SLC8A2: variants seen among roughly 807,000 people sequenced by gnomAD.
SLC8A2 encodes sodium/calcium exchanger 2.
SLC8A2 carries 14 observed loss-of-function variants against 70.2 expected under a neutral mutation model. That is an observed-to-expected ratio of 0.20 (90% CI 0.13 to 0.31). SLC8A2 has a LOEUF of 0.31. Ranked by LOEUF, SLC8A2 falls within the 10% of genes least tolerant of loss-of-function variation. The pLI, the probability that SLC8A2 is intolerant of heterozygous loss-of-function variation, is 1.00. For missense variants in SLC8A2, 779 were observed against 1,320.1 expected (o/e 0.59, Z 6.35); for synonymous variants, 575 against 594.3 (o/e 0.97, Z 0.47).
chr19:47,441,562 A>G, intron 4 of SLC8A2, 122 bp from the exon 5 acceptor site: 1 of 624,830 alleles, frequency 1.6e-6, no homozygotes, highest in Non-Finnish European at 2.9e-6. Context: ...AGACTCCACA[A>G]TCTCATTTAC....
Position 47,466,247 on chromosome 19 carries a change from C to A in SLC8A2, c.157G>T (p.Val53Leu). 1 of 1,599,314 alleles carries A rather than the reference C, an allele frequency of 6.3e-7. No individual in the cohort carries two copies. The highest frequency in any genetic ancestry group is 8.5e-7 in the Non-Finnish European group (1 of 1,170,704). Reference protein sequence around the residue: ...CQGSYRCQPGVLLPVWEPDDP... With the variant: ...CQGSYRCQPGLLLPVWEPDDP... The stretch of plus-strand genomic sequence containing the variant: ...TCGGGCTCCCACACGGGCAGCAGCA[C>A]CCCCGGCTGGCAGCGGTAGGACCCC... The change falls in exon 2 of 10, where the codon GTG becomes TTG. Residue 53 changes from valine to leucine, a missense_variant. Physicochemically the swap from Val to Leu is conservative, Grantham distance 32 (BLOSUM62 1). This residue lies in a region of SLC8A2 where 155 missense variants were observed against 318.6 expected (regional missense o/e 0.49). Coordinates refer to ENST00000236877, the MANE Select transcript of SLC8A2 (RefSeq NM_015063.3). This position sits in a 1 kb window ranked among gnomAD's most constrained non-coding sequence, Gnocchi z 6.9.
Position 47,432,095 on chromosome 19 carries a change from T to C in SLC8A2, c.2389+72A>G, listed in dbSNP as rs4801722. ...CTGTGTGACTCCACCCACCTCATTTTGGCAGGATCCTGTGTTGCCCCTGCC... is the reference window on the plus strand; with the variant it reads ...CTGTGTGACTCCACCCACCTCATTTCGGCAGGATCCTGTGTTGCCCCTGCC... On this transcript the variant is annotated intron_variant, in intron 9 of 9. Coordinates refer to ENST00000236877, the MANE Select transcript of SLC8A2 (RefSeq NM_015063.3). The surrounding 1 kb of genome is among the most constrained non-coding windows in gnomAD (Gnocchi z 6.2). 1,418,471 of 1,421,518 alleles carry C rather than the reference T, an allele frequency of 1. 707,755 individuals are homozygous for C. The highest frequency in any genetic ancestry group is 1 in the South Asian group (73,382 of 73,386). 88.1% of individuals were successfully genotyped at this position (1,421,518 alleles called of 1,614,324 possible). A position where few individuals can be genotyped will look rare whatever the true frequency, so the allele number is the denominator to read the frequency against.
At chr19:47,441,541 T>A in intron 4 of SLC8A2, 101 bp from the exon 5 acceptor site, 1 of 678,512 alleles carries the variant, frequency 1.5e-6, no homozygotes. Context: ...TCCAAGCACC[T>A]CCTCTGTCCC....
intron 3 of SLC8A2, 122 bp downstream of exon 3, chr19:47,456,808 A>C: frequency 9.8e-7 from 1 of 1,024,626 alleles, no homozygotes; most frequent in South Asian, 1.8e-5. Flanking sequence ...TGAATGAATG[A>C]ACAAATGAAC....
At chr19:47,438,073 G>A in intron 6 of SLC8A2, 100 bp from the exon 7 acceptor site, 1 of 1,478,504 alleles carries the variant, frequency 6.8e-7, no homozygotes, top group Non-Finnish European at 9.3e-7. Flanking sequence ...AAGCCTATCT[G>A]TTCTCCTCTG....
intron 9 of SLC8A2, among the ~76,000 whole-genome samples, chr19:47,431,286 C>G (rs887201187): frequency 6.6e-6 from 1 of 152,142 alleles, no homozygotes. Context: ...CCTGCCTTGG[C>G]CCCCCGCCTT....
rs73568297 is a variant in SLC8A2, at chr19:47,452,017, T to A, written c.1341-3786A>T. Among the ~76,000 whole-genome samples the A allele has an allele frequency of 4.4e-3, 668 of 152,068 alleles. 6 individuals carry two copies. Among genetic ancestry groups the A allele is most frequent in the African/African-American group, 0.015 (636 of 41,472 alleles). On this transcript the variant is annotated intron_variant, in intron 3 of 9. Coordinates refer to ENST00000236877, the MANE Select transcript of SLC8A2 (RefSeq NM_015063.3). The stretch of plus-strand genomic sequence containing the variant: ...GATATTACAGGGATGACTGGGGAAA[T>A]GGAAACACGGGCTGTGCATCACTCA...
rs1967447778 is a variant in SLC8A2, at chr19:47,465,667, G to A, written c.675+62C>T. 2 of 1,373,512 alleles carry A rather than the reference G, an allele frequency of 1.5e-6. No homozygotes were observed. The highest frequency in any genetic ancestry group is 2.0e-6 in the Non-Finnish European group (2 of 1,004,966). The allele number at this position is 1,373,512 out of a possible 1,614,324, so 85.1% of individuals were successfully genotyped here. ...CAGCAATCAACACTCCAAGCCAAGA[G>A]CACCTCTCTGGATTTTGCAGACACA... On this transcript the variant is annotated intron_variant, in intron 2 of 9. Coordinates refer to ENST00000236877, the MANE Select transcript of SLC8A2 (RefSeq NM_015063.3). This position sits in a 1 kb window ranked among gnomAD's most constrained non-coding sequence, Gnocchi z 5.5.
At chr19:47,454,032 G>A (rs1238200315) in intron 3 of SLC8A2, among the ~76,000 whole-genome samples, 2 of 152,220 alleles carry the variant, frequency 1.3e-5, no homozygotes, top group Non-Finnish European at 2.9e-5. Context: ...TGTAGTCCCA[G>A]CTACCTGGGA....
At chr19:47,452,444 GA>G in intron 3 of SLC8A2, among the ~76,000 whole-genome samples, 1 of 60,546 alleles carries the variant, frequency 1.7e-5, no homozygotes, top group Admixed American at 2.2e-4. Context: ...GAGAGAGAGA[GA>G]GTGTGTGTGT....
At chr19:47,470,345 T>TACACACACA (rs57212266) in intron 1 of SLC8A2, among the ~76,000 whole-genome samples, 1 of 109,142 alleles carries the variant, frequency 9.2e-6, no homozygotes, top group African/African-American at 3.0e-5. Flanking sequence ...CAGGGAGACA[T>TACACACACA]CATACACACA....
chr19:47,436,251 A>G (rs979055070), intron 8 of SLC8A2, among the ~76,000 whole-genome samples: 1 of 152,102 alleles, frequency 6.6e-6, no homozygotes, highest in Non-Finnish European at 1.5e-5. Context: ...TGGGTTAGGA[A>G]CCGCATCAGG....
In SLC8A2 at chr19:47,457,012, C is replaced by T; in HGVS notation, c.1258G>A (p.Gly420Ser). The T allele has an allele frequency of 1.9e-6, 3 of 1,612,666 alleles. No homozygotes were observed. The highest frequency in any genetic ancestry group is 2.5e-6 in the Non-Finnish European group (3 of 1,179,524). ...GSVLLSVTCQ[G>S]GEGNSTFYVD... is the part of the protein sequence containing the mutation. Reference sequence around the variant, plus strand: ...TAGAAGGTGCTGTTGCCCTCGCCGCCCTGGCACGTGACGGACAGCAGCACG... The same window carrying T: ...TAGAAGGTGCTGTTGCCCTCGCCGCTCTGGCACGTGACGGACAGCAGCACG... Residue 420 changes from glycine (G) to serine (S), a missense_variant, in exon 3 of 10, where the codon GGC becomes AGC. This residue lies in a region of SLC8A2 where 186 missense variants were observed against 246.6 expected (regional missense o/e 0.75). Transcript: ENST00000236877.
At chr19:47,452,441 A>AGTGTGTGTGTGT (rs1967253214) in intron 3 of SLC8A2, among the ~76,000 whole-genome samples, 2 of 65,170 alleles carry the variant, frequency 3.1e-5, no homozygotes, top group African/African-American at 1.3e-4. Context: ...AGAGAGAGAG[A>AGTGTGTGTGTGT]GAGAGTGTGT....
chr19:47,462,253 T>C (rs1296526443), intron 2 of SLC8A2, among the ~76,000 whole-genome samples: 1 of 152,150 alleles, frequency 6.6e-6, no homozygotes, highest in Non-Finnish European at 1.5e-5. Context: ...TTTCTTTTTC[T>C]TTTTCTTTCT....
chr19:47,431,689 A>C (rs971657418), intron 9 of SLC8A2, among the ~76,000 whole-genome samples: 12 of 149,904 alleles, frequency 8.0e-5, no homozygotes, highest in Admixed American at 5.3e-4. Flanking sequence ...AACAAAACCC[A>C]AAAAAACCAA....
At chr19:47,434,805 G>A (rs1454055977) in intron 8 of SLC8A2, among the ~76,000 whole-genome samples, 1 of 152,142 alleles carries the variant, frequency 6.6e-6, no homozygotes, top group Admixed American at 6.5e-5. Context: ...CAAAAGGCAC[G>A]TGCTGAACAA....
At chr19:47,435,099 C>T (rs1038922591) in intron 8 of SLC8A2, among the ~76,000 whole-genome samples, 2 of 151,902 alleles carry the variant, frequency 1.3e-5, no homozygotes, top group Non-Finnish European at 2.9e-5. Context: ...ATCCCAGCTA[C>T]TCAGGAGGCT....
rs1174377935 is a variant in SLC8A2 at position 47,441,104 on chromosome 19, A to G, written c.1885+65T>C. 8 of 1,493,438 alleles carry G rather than the reference A, an allele frequency of 5.4e-6. No homozygotes were observed. The Admixed American group carries it at 6.7e-5, about 13-fold the overall frequency. 92.5% of individuals were successfully genotyped at this position (1,493,438 alleles called of 1,614,324 possible). ...CTGGAAGAGTAGCTTTGGGGCTGGG[A>G]CCCTCCCCCAGGCCCTCTTCCAGTG... On this transcript the variant is annotated intron_variant, in intron 6 of 9. Transcript: ENST00000236877.
Sources: gnomAD v4.1 joint callset for allele counts (sites outside exome capture counted in the v4.1 genomes callset) on GRCh38, gnomAD v4.1.1 for gene constraint, gnomAD v4.1.1 regional missense constraint, Gnocchi (gnomAD v3.1) non-coding constraint, MANE v1.5 for transcripts, NCBI Gene and HGNC (gene_info 2026-07-23, HGNC 2026-07-21) for gene names.